Variants in MERTK observed in about 807,000 individuals in gnomAD.
The protein encoded by MERTK is MER proto-oncogene, tyrosine kinase.
MERTK carries 69 observed loss-of-function variants against 99.3 expected under a neutral mutation model. The ratio of observed to expected loss-of-function variants is 0.70; its 90% CI spans 0.57 to 0.85. The LOEUF (loss-of-function observed/expected upper bound fraction) is 0.85. Ranked by LOEUF, MERTK falls within the 40% of genes least tolerant of loss-of-function variation. The pLI is 0.00. For missense variants in MERTK, 1,125 were observed against 1,249.4 expected, an observed-to-expected ratio of 0.90 and a Z score of 1.50; for synonymous variants, 426 against 467.6, an observed-to-expected ratio of 0.91 and a Z score of 1.15.
At chr2:111,926,319 A>C (rs1444693002) in intron 1 of MERTK, among the ~76,000 whole-genome samples, 3 of 152,066 alleles carry the variant, frequency 2.0e-5, no homozygotes, top group African/African-American at 7.2e-5. Context: ...TGGGGGAAAA[A>C]AGTGATTTGG....
intron 8 of MERTK, among the ~76,000 whole-genome samples, chr2:111,987,966 G>C (rs1676521292): frequency 6.6e-6 from 1 of 151,114 alleles, no homozygotes; most frequent in Non-Finnish European, 1.5e-5. Context: ...ATAGCCTTGA[G>C]ACAGCATGAT....
intron 7 of MERTK, among the ~76,000 whole-genome samples, chr2:111,977,853 T>C (rs2104736370): frequency 6.6e-6 from 1 of 152,322 alleles, no homozygotes; most frequent in Admixed American, 6.5e-5. Context: ...ATCCAGTTTA[T>C]ATTTCATCTC....
At chr2:111,918,845 T>A (rs1684402716) in intron 1 of MERTK, among the ~76,000 whole-genome samples, 1 of 152,118 alleles carries the variant, frequency 6.6e-6, no homozygotes, top group Non-Finnish European at 1.5e-5. Context: ...AGAAAACAGG[T>A]ACTGAAGTAG....
intron 15 of MERTK, among the ~76,000 whole-genome samples, chr2:112,015,504 AT>A (rs1357363173): frequency 2.0e-5 from 3 of 151,938 alleles, no homozygotes; most frequent in Non-Finnish European, 4.4e-5. Flanking sequence ...TTGTTCAAGT[AT>A]TTTGTTTATT....
At chr2:111,980,792 A>G (rs963206867) in intron 7 of MERTK, among the ~76,000 whole-genome samples, 8 of 152,134 alleles carry the variant, frequency 5.3e-5, no homozygotes, top group African/African-American at 1.9e-4. Context: ...ACCTGGGCCC[A>G]CAGCTTCTGA....
rs1219676825 is a variant in MERTK, at chr2:111,935,587, A to G, written c.482+6047A>G. Among the ~76,000 whole-genome samples the G allele has an allele frequency of 2.6e-5, 4 of 151,698 alleles. No individual in the cohort carries two copies. In the East Asian group the frequency reaches 7.7e-4, roughly 29 times the overall value. ...CTGGAAAGACTAAGGGAGATTTGGC[A>G]TCATGCACAAGAGTGTCCCTGAAAG... On this transcript the variant is annotated intron_variant, in intron 2 of 18. Coordinates refer to ENST00000295408, the MANE Select transcript of MERTK (RefSeq NM_006343.3).
At chr2:112,005,455 G>C (rs951141495) in intron 13 of MERTK, among the ~76,000 whole-genome samples, 2 of 152,168 alleles carry the variant, frequency 1.3e-5, no homozygotes, top group African/African-American at 4.8e-5. Flanking sequence ...GTTGTGCTGG[G>C]CTTCTTCATT....
chr2:111,971,313 T>C (rs1210635501), intron 6 of MERTK, among the ~76,000 whole-genome samples: 1 of 152,050 alleles, frequency 6.6e-6, no homozygotes, highest in African/African-American at 2.4e-5. Context: ...ATTCTATATT[T>C]TCTTTATTTC....
intron 2 of MERTK, among the ~76,000 whole-genome samples, chr2:111,939,664 T>C (rs112658010): frequency 9.1e-6 from 1 of 109,592 alleles, no homozygotes; most frequent in Non-Finnish European, 2.0e-5. Context: ...ATTTTTTTTT[T>C]TTTTTTTTTT....
intron 13 of MERTK, among the ~76,000 whole-genome samples, chr2:112,005,951 G>C (rs1253614022): frequency 6.6e-6 from 1 of 151,948 alleles, no homozygotes; most frequent in East Asian, 1.9e-4. Flanking sequence ...GCATGAACTC[G>C]GCTCACTGCA....
intron 1 of MERTK, among the ~76,000 whole-genome samples, chr2:111,924,017 C>T (rs1473719105): frequency 6.6e-6 from 1 of 152,040 alleles, no homozygotes; most frequent in Non-Finnish European, 1.5e-5. Flanking sequence ...ATGCATTGCA[C>T]AGCTCTAGAG....
At chr2:111,953,263 C>T (rs1008047983) in intron 4 of MERTK, among the ~76,000 whole-genome samples, 1 of 152,202 alleles carries the variant, frequency 6.6e-6, no homozygotes, top group African/African-American at 2.4e-5. Flanking sequence ...ACAAATGTGT[C>T]TGTAAATGAA....
intron 1 of MERTK, among the ~76,000 whole-genome samples, chr2:111,899,851 T>TA (rs574269789): frequency 1.4e-3 from 206 of 152,066 alleles, no homozygotes; most frequent in South Asian, 3.9e-3. Context: ...GCTGGACTGA[T>TA]ACGTGGAGGC....
intron 8 of MERTK, among the ~76,000 whole-genome samples, chr2:111,985,025 T>C (rs895223732): frequency 6.6e-6 from 1 of 152,192 alleles, no homozygotes; most frequent in Non-Finnish European, 1.5e-5. Flanking sequence ...CTTTAGATTT[T>C]TGCTAAAGCT....
intron 2 of MERTK, among the ~76,000 whole-genome samples, chr2:111,935,638 C>CGTGTGTGTGTGTGT (rs55986780): frequency 4.3e-5 from 6 of 139,844 alleles, no homozygotes; most frequent in Non-Finnish European, 9.2e-5. Flanking sequence ...GGTCTTGGCT[C>CGTGTGTGTGTGTGT]GTGTGTGTGT....
In MERTK at chr2:111,929,436, C is replaced by A; in HGVS notation, c.378C>A (p.Thr126=). The A allele has an allele frequency of 6.2e-7, 1 of 1,613,986 alleles. No individual in the cohort carries two copies. Among genetic ancestry groups the A allele is most frequent in the South Asian group, 1.1e-5 (1 of 91,060 alleles). The part of the protein sequence containing the change: ...SISVPNIYQD[T]TISWWKDGKE... The stretch of plus-strand genomic sequence containing the variant: ...GTGTACCTAATATATACCAGGACAC[C>A]ACAATTTCTTGGTGGAAAGATGGGA... The change falls in exon 2 of 19, where the codon ACC becomes ACA. Residue 126 remains threonine (T), a synonymous_variant. Coordinates refer to ENST00000295408, the MANE Select transcript of MERTK (RefSeq NM_006343.3).
In MERTK at chr2:112,023,181, G is replaced by A. The variant is rs183723613; in HGVS notation, c.2486+787G>A. ...TGTAATCCCAGCACTTTGGGAGGCC[G>A]ACGCGGGTGGATCACGAGGTCAGGA... On this transcript the variant is annotated intron_variant, in intron 18 of 18. Coordinates refer to ENST00000295408, the MANE Select transcript of MERTK (RefSeq NM_006343.3). Among the ~76,000 whole-genome samples the A allele has an allele frequency of 4.9e-3, 742 of 152,190 alleles. 14 individuals carry two copies. The highest frequency in any genetic ancestry group is 0.012 in the Admixed American group (187 of 15,288).
intron 1 of MERTK, among the ~76,000 whole-genome samples, chr2:111,904,896 G>A (rs1423648427): frequency 2.0e-5 from 3 of 152,194 alleles, no homozygotes; most frequent in African/African-American, 7.2e-5. Flanking sequence ...ACCCTCAGGT[G>A]CCCGGGAGGG....
At position 112,014,147 on chromosome 2, in the gene MERTK, G is replaced by A. The variant is rs538245089; in HGVS notation, c.2079+4081G>A. Among the ~76,000 whole-genome samples, 5 of 151,558 alleles carry A rather than the reference G, an allele frequency of 3.3e-5. 1 individual carries two copies. Among genetic ancestry groups the A allele is most frequent in the East Asian group, 3.9e-4 (2 of 5,116 alleles). On this transcript the variant is annotated intron_variant, in intron 15 of 18. Transcript: ENST00000295408. ...CGCCATTCTCCTGCCTCAGCCTCCC[G>A]AGTACCTGGGATTAAAGGTGCCCGC...
Sources: allele counts gnomAD v4.1 joint callset (sites outside exome capture counted in the v4.1 genomes callset), GRCh38; gene constraint gnomAD v4.1.1; transcripts MANE v1.5; gene names NCBI Gene and HGNC (gene_info 2026-07-23, HGNC 2026-07-21).